The following PRDM10 variants were observed in gnomAD, a reference collection of about 807,000 sequenced individuals.
PRDM10 encodes PR domain zinc finger protein 10.
Under a neutral mutation model 133.1 loss-of-function variants are expected in PRDM10, and 65 were observed. That is an observed-to-expected ratio of 0.49 (90% confidence interval 0.40 to 0.60). PRDM10 has a LOEUF of 0.60. PRDM10 is among the 20% of genes least tolerant of loss of function. The pLI is 0.00. For synonymous variants in PRDM10, 582 were observed against 580.4 expected, an observed-to-expected ratio of 1.00 and a Z score of -0.04; for missense variants, 1,137 against 1,507.1, an observed-to-expected ratio of 0.75 and a Z score of 4.07.
At chr11:129,957,963 C>T in intron 2 of PRDM10, 53 bp from the exon 3 acceptor site, 1 of 1,538,766 alleles carries the variant, frequency 6.5e-7, no homozygotes, top group Admixed American at 1.8e-5. Context: ...GGTAAGTGAT[C>T]AACAAGCACA....
At chr11:129,932,025 G>A in intron 10 of PRDM10, 77 bp downstream of exon 10, 1 of 1,513,140 alleles carries the variant, frequency 6.6e-7, no homozygotes. Context: ...GAAGGTCTTT[G>A]TACTTAGGTC....
intron 6 of PRDM10, among the ~76,000 whole-genome samples, chr11:129,944,343 C>T (rs528531782): frequency 1.2e-4 from 18 of 152,216 alleles, no homozygotes; most frequent in Middle Eastern, 3.4e-3. Context: ...GCCTGTAATC[C>T]CAGCACTTTG....
intron 4 of PRDM10, among the ~76,000 whole-genome samples, chr11:129,953,416 C>A (rs1259327747): frequency 6.6e-6 from 1 of 151,904 alleles, no homozygotes; most frequent in African/African-American, 2.4e-5. Flanking sequence ...GCCTCAGCCT[C>A]CCGAGTAGCT....
intron 6 of PRDM10, among the ~76,000 whole-genome samples, chr11:129,944,540 G>A (rs112390507): frequency 1.1e-3 from 158 of 149,274 alleles, no homozygotes; most frequent in African/African-American, 3.4e-3. Context: ...AGCCGAGATC[G>A]CGCCACTGCA....
In PRDM10 at chr11:129,922,065, C is replaced by A. The variant is rs143261162; in HGVS notation, c.2034+1183G>T. On this transcript the variant is annotated intron_variant, in intron 13 of 20. Coordinates refer to ENST00000360871, the MANE Select transcript of PRDM10 (RefSeq NM_199437.2). ...CCGACCTCCCAGCTTCTCCCTTCAA[C>A]CCTCACTTCTCCATCTTCTCCTATA... 9.1e-3 allele frequency among the ~76,000 whole-genome samples: 1,388 copies of A among 152,286 alleles called. 21 individuals carry two copies. Among genetic ancestry groups the A allele is most frequent in the African/African-American group, 0.032 (1,311 of 41,566 alleles).
intron 11 of PRDM10, among the ~76,000 whole-genome samples, chr11:129,930,029 C>T (rs1950803039): frequency 6.6e-6 from 1 of 152,288 alleles, no homozygotes; most frequent in African/African-American, 2.4e-5. Context: ...AGCCTCAGTT[C>T]TTAGAGCCCT....
chr11:129,934,309 T>C (rs1950960764), intron 9 of PRDM10, among the ~76,000 whole-genome samples: 1 of 152,168 alleles, frequency 6.6e-6, no homozygotes, highest in Non-Finnish European at 1.5e-5. Context: ...GTATGGTACT[T>C]CCCTAGAACA....
chr11:129,998,525 A>G (rs1036453078), intron 1 of PRDM10, among the ~76,000 whole-genome samples: 3 of 152,204 alleles, frequency 2.0e-5, no homozygotes, highest in Non-Finnish European at 4.4e-5. Context: ...GTTCTAAACT[A>G]TTGTGCACTA....
At chr11:129,966,354 C>A (rs1024981122) in intron 1 of PRDM10, among the ~76,000 whole-genome samples, 3 of 152,182 alleles carry the variant, frequency 2.0e-5, no homozygotes, top group Non-Finnish European at 4.4e-5. Flanking sequence ...TACGTTCCCC[C>A]CATGTTTTAA....
At chr11:129,986,723 C>T (rs923268625) in intron 1 of PRDM10, among the ~76,000 whole-genome samples, 1 of 152,096 alleles carries the variant, frequency 6.6e-6, no homozygotes, top group Non-Finnish European at 1.5e-5. Context: ...GGGTCGGGGG[C>T]CTGGATTGAG....
chr11:129,960,762 C>T (rs1211281260), intron 2 of PRDM10, 134 bp downstream of exon 2: 2 of 857,912 alleles, frequency 2.3e-6, no homozygotes, highest in Admixed American at 2.3e-5. Context: ...AGTCCCTATT[C>T]CTTGTGTACG....
chr11:129,947,439 G>A lies in PRDM10; in HGVS notation c.295-69C>T, dbSNP rs201739539. 2.1e-4 allele frequency: 334 copies of A among 1,600,412 alleles called. 1 individual carries two copies. In the South Asian group the frequency reaches 3.5e-3, roughly 17 times the overall value. ...TGCTTTTGGTTCGCTGGTGCCTGCT[G>A]GCACAAACAGGGCGCAAGGGCTGGC... On this transcript the variant is annotated intron_variant, in intron 4 of 20. Coordinates refer to ENST00000360871, the MANE Select transcript of PRDM10 (RefSeq NM_199437.2). The surrounding 1 kb of genome is among the most constrained non-coding windows in gnomAD (Gnocchi z 4.6).
At chr11:129,924,263 T>C (rs1348549949) in intron 12 of PRDM10, among the ~76,000 whole-genome samples, 2 of 152,244 alleles carry the variant, frequency 1.3e-5, no homozygotes, top group Admixed American at 1.3e-4. Flanking sequence ...CTTCTTTTCC[T>C]TTGGTAATTG....
intron 8 of PRDM10, 56 bp downstream of exon 8, chr11:129,937,542 T>C: frequency 2.0e-6 from 3 of 1,494,790 alleles, no homozygotes; most frequent in Non-Finnish European, 1.8e-6. Flanking sequence ...CATAAAGATG[T>C]GATATATACA....
In PRDM10 at chr11:129,956,296, G is replaced by A. The variant is rs558467664; in HGVS notation, c.235-725C>T. 3.3e-5 allele frequency among the ~76,000 whole-genome samples: 5 copies of A among 152,272 alleles called. No homozygotes were observed. The South Asian group carries it at 8.3e-4, about 25-fold the overall frequency. On this transcript the variant is annotated intron_variant, in intron 3 of 20. Transcript: ENST00000360871. ...AGTTTTTAAAAATCTGGCTGGGCGC[G>A]GTGACTCACGCCTGTAATCCCAGCA...
chr11:129,947,722 A>G lies in PRDM10; in HGVS notation c.295-352T>C, dbSNP rs1448784040. On this transcript the variant is annotated intron_variant, in intron 4 of 20. Transcript: ENST00000360871. The surrounding 1 kb of genome is among the most constrained non-coding windows in gnomAD (Gnocchi z 4.6). ...GTCCTGACCCCACCCCTAAAACTTA[A>G]TAAAACCTGGTCTCTTCCTGGCTCA... 2.2e-6 allele frequency: 1 copy of G among 448,592 alleles called. No individual in the cohort carries two copies. Among genetic ancestry groups the G allele is most frequent in the South Asian group, 2.4e-5 (1 of 41,726 alleles). The allele number at this position is 448,592 out of a possible 1,614,324, so 27.8% of individuals were successfully genotyped here.
At position 129,912,074 on chromosome 11, in the gene PRDM10, G is replaced by A; in HGVS notation, c.2982+11C>T. On this transcript the variant is annotated intron_variant, in intron 18 of 20. Transcript: ENST00000360871. Reference sequence around the variant, plus strand: ...TGATAACACCTCCAAATAGTCTGTGGAGCAGGGTACCTGGGCGGAGGACGG... The same window carrying A: ...TGATAACACCTCCAAATAGTCTGTGAAGCAGGGTACCTGGGCGGAGGACGG... The A allele has an allele frequency of 6.3e-7, 1 of 1,595,508 alleles. No homozygotes were observed. The highest frequency in any genetic ancestry group is 8.5e-7 in the Non-Finnish European group (1 of 1,171,046).
intron 4 of PRDM10, among the ~76,000 whole-genome samples, chr11:129,953,774 A>T (rs1201790330): frequency 6.8e-6 from 1 of 146,960 alleles, no homozygotes; most frequent in Non-Finnish European, 1.5e-5. Flanking sequence ...TGGGGTATTT[A>T]TCCTAAGGAA....
chr11:129,917,670 C>T (rs1468708758), intron 14 of PRDM10, among the ~76,000 whole-genome samples: 1 of 152,216 alleles, frequency 6.6e-6, no homozygotes, highest in Non-Finnish European at 1.5e-5. Context: ...CTATGACTTT[C>T]CAGCACCTGG....
Sources: gnomAD v4.1 joint callset for allele counts (sites outside exome capture counted in the v4.1 genomes callset) on GRCh38, gnomAD v4.1.1 for gene constraint, Gnocchi (gnomAD v3.1) non-coding constraint, MANE v1.5 for transcripts, NCBI Gene and HGNC (gene_info 2026-07-23, HGNC 2026-07-21) for gene names.